Variants in YTHDC2 observed in about 807,000 individuals in gnomAD.
YTHDC2 encodes the protein 3'-5' RNA helicase YTHDC2.
A neutral mutation model predicts 174.9 loss-of-function variants in YTHDC2; 45 were observed. The observed-to-expected ratio is 0.26, with a 90% CI of 0.20 to 0.33. The LOEUF (loss-of-function observed/expected upper bound fraction) is 0.33, where lower values mean the gene tolerates loss of function less well. Ranked by LOEUF, YTHDC2 falls within the 10% of genes least tolerant of loss-of-function variation. YTHDC2 has a pLI of 1.00. For synonymous variants in YTHDC2, 657 were observed against 574.5 expected (o/e 1.14, Z -2.05); for missense variants, 1,650 against 1,723.7 (o/e 0.96, Z 0.76).
In YTHDC2 at chr5:113,514,141, C is replaced by A. The variant is rs922247753; in HGVS notation, c.187+59C>A. 7 of 1,551,484 alleles carry A rather than the reference C, an allele frequency of 4.5e-6. No individual in the cohort carries two copies. In the African/African-American group the frequency reaches 8.2e-5, roughly 18 times the overall value. On this transcript the variant is annotated intron_variant, in intron 1 of 29. Transcript: ENST00000161863. ...AGGATACCCCCCTCACCCCAGCGCC[C>A]CCCAAACGGCGGCCCACCGAGTGAT... is the stretch of plus-strand genomic sequence containing the variant.
At chr5:113,566,245 A>G (rs776080526) in intron 21 of YTHDC2, among the ~76,000 whole-genome samples, 3 of 152,136 alleles carry the variant, frequency 2.0e-5, no homozygotes, top group Non-Finnish European at 2.9e-5. Flanking sequence ...TAGGGACAGA[A>G]TCTATATGCT....
chr5:113,584,621 C>G, intron 26 of YTHDC2, 142 bp downstream of exon 26: 1 of 688,282 alleles, frequency 1.5e-6, no homozygotes, highest in Non-Finnish European at 2.3e-6. Flanking sequence ...AAACTTGATA[C>G]AGTTTGAGTA....
chr5:113,575,152 C>A (rs747662171), intron 23 of YTHDC2, among the ~76,000 whole-genome samples: 3 of 152,138 alleles, frequency 2.0e-5, no homozygotes, highest in Non-Finnish European at 4.4e-5. Context: ...TTGTGAGTGC[C>A]GCAGACTGCA....
At position 113,594,854 on chromosome 5, in the gene YTHDC2, CCTT is replaced by C. The variant is rs1325082870; in HGVS notation, c.*1383_*1385del. 2 of 152,094 alleles carry C rather than the reference CCTT, an allele frequency of 1.3e-5. No homozygotes were observed. The highest frequency in any genetic ancestry group is 2.9e-5 in the Non-Finnish European group (2 of 68,014). The allele number at this position is 152,094 out of a possible 1,614,324, so 9.4% of individuals were successfully genotyped here. On this transcript the variant is annotated 3_prime_UTR_variant, in exon 30 of 30. Transcript: ENST00000161863. ...ATGGGTCAACATAAAATCTTGAGAA[CCTT>C]CTACTTTCTCTGGGAAAGCATTATA...
At position 113,591,132 on chromosome 5, in the gene YTHDC2, A is replaced by G. The variant is rs766651915; in HGVS notation, c.3917A>G (p.Gln1306Arg). The change falls in exon 27 of 30, where the codon CAG becomes CGG. Residue 1306 changes from glutamine to arginine, a missense_variant. By Grantham distance (43) the Gln-to-Arg change is conservative (BLOSUM62 1). Transcript: ENST00000161863. ...SNLRNLEISQQKGIWSTTPSN... is the reference protein window; with the variant it reads ...SNLRNLEISQRKGIWSTTPSN... The stretch of plus-strand genomic sequence containing the variant: ...TTGAGAAACCTTGAAATTTCTCAAC[A>G]GAAGGGTATCTGGTCTACAACTCCT... The G allele has an allele frequency of 1.2e-6, 2 of 1,614,014 alleles. No individual in the cohort carries two copies. Among genetic ancestry groups the G allele is most frequent in the Non-Finnish European group, 1.7e-6 (2 of 1,179,914 alleles).
At position 113,594,696 on chromosome 5, in the gene YTHDC2, T is replaced by C. The variant is rs552291234; in HGVS notation, c.*1222T>C. 2.0e-5 allele frequency: 3 copies of C among 152,326 alleles called. No homozygotes were observed. Among genetic ancestry groups the C allele is most frequent in the Non-Finnish European group, 2.9e-5 (2 of 68,012 alleles). 9.4% of individuals were successfully genotyped at this position (152,326 alleles called of 1,614,324 possible). A position where few individuals can be genotyped will look rare whatever the true frequency, so the allele number is the denominator to read the frequency against. On this transcript the variant is annotated 3_prime_UTR_variant, in exon 30 of 30. Transcript: ENST00000161863. ...AAGAAATGTCTTGGTTACTGAGCTC[T>C]AAATAGACAGGTTTGATGGCACTTC...
chr5:113,581,243 T>C (rs1354104414), intron 24 of YTHDC2, 174 bp from the exon 25 acceptor site: 1 of 551,268 alleles, frequency 1.8e-6, no homozygotes, highest in Non-Finnish European at 2.9e-6. Context: ...GCCTAAAATA[T>C]TATAAATAAA....
chr5:113,572,057 T>C (rs1777757330), intron 23 of YTHDC2, among the ~76,000 whole-genome samples: 1 of 152,216 alleles, frequency 6.6e-6, no homozygotes, highest in Non-Finnish European at 1.5e-5. Context: ...TAAATTGAGA[T>C]GTTAGGTGGT....
chr5:113,527,306 T>A (rs937377897), intron 4 of YTHDC2, among the ~76,000 whole-genome samples: 2 of 152,226 alleles, frequency 1.3e-5, no homozygotes, highest in African/African-American at 2.4e-5. Flanking sequence ...TAAAGTTGAC[T>A]GTAGAATGGA....
intron 23 of YTHDC2, among the ~76,000 whole-genome samples, chr5:113,578,743 C>A (rs1227548644): frequency 1.3e-5 from 2 of 152,000 alleles, no homozygotes; most frequent in Non-Finnish European, 2.9e-5. Context: ...TTATTTGATT[C>A]CATGCAAAAT....
intron 2 of YTHDC2, among the ~76,000 whole-genome samples, chr5:113,519,612 A>G (rs1279836323): frequency 6.6e-6 from 1 of 152,206 alleles, no homozygotes; most frequent in Non-Finnish European, 1.5e-5. Flanking sequence ...GTACCAAAGT[A>G]CAGTTCTGGA....
chr5:113,592,365 A>T, intron 28 of YTHDC2, 187 bp downstream of exon 28: 1 of 485,530 alleles, frequency 2.1e-6, no homozygotes, highest in Non-Finnish European at 3.5e-6. Flanking sequence ...TGCTCCTTGC[A>T]GTCAGAGTCT....
At position 113,563,848 on chromosome 5, in the gene YTHDC2, C is replaced by A. The variant is rs1183535078; in HGVS notation, c.2443-11C>A. On this transcript the variant is annotated splice_polypyrimidine_tract_variant and intron_variant, in intron 19 of 29. Coordinates refer to ENST00000161863, the MANE Select transcript of YTHDC2 (RefSeq NM_022828.5). Reference sequence around the variant, plus strand: ...CTCACATCAAAGTCTGTTCTGTCTCCTTTTACTTAGACAATAGATGCAATG... The same window carrying A: ...CTCACATCAAAGTCTGTTCTGTCTCATTTTACTTAGACAATAGATGCAATG... The A allele has an allele frequency of 1.2e-6, 2 of 1,613,686 alleles. No homozygotes were observed. Among genetic ancestry groups the A allele is most frequent in the Non-Finnish European group, 1.7e-6 (2 of 1,179,862 alleles).
At chr5:113,557,292 C>T (rs570458122) in intron 17 of YTHDC2, among the ~76,000 whole-genome samples, 40 of 152,168 alleles carry the variant, frequency 2.6e-4, no homozygotes, top group African/African-American at 9.2e-4. Flanking sequence ...AAATATTTAT[C>T]TTGCATTTTA....
At position 113,548,939 on chromosome 5, in the gene YTHDC2, C is replaced by G. The variant is rs1289426487; in HGVS notation, c.1623-16C>G. 6.2e-7 allele frequency: 1 copy of G among 1,609,176 alleles called. No homozygotes were observed. Among genetic ancestry groups the G allele is most frequent in the South Asian group, 1.1e-5 (1 of 90,428 alleles). On this transcript the variant is annotated splice_polypyrimidine_tract_variant and intron_variant, in intron 11 of 29. Coordinates refer to ENST00000161863, the MANE Select transcript of YTHDC2 (RefSeq NM_022828.5). The stretch of plus-strand genomic sequence containing the variant: ...CAATTTTGATGACATCTTATATATC[C>G]TTTGAATTTTGGCAGGATGGCATTG...
chr5:113,581,001 A>G (rs377062288), intron 24 of YTHDC2, among the ~76,000 whole-genome samples: 25 of 152,090 alleles, frequency 1.6e-4, no homozygotes, highest in African/African-American at 4.8e-4. Context: ...TTTTGCAATC[A>G]TTTAGGAACT....
chr5:113,534,106 A>G (rs1396358687), intron 5 of YTHDC2, among the ~76,000 whole-genome samples, 199 bp from the exon 6 acceptor site: 2 of 152,212 alleles, frequency 1.3e-5, no homozygotes, highest in East Asian at 1.9e-4. Context: ...AACAAAATAC[A>G]TCATTTAATA....
At chr5:113,558,382 TATA>T (rs954007792) in intron 17 of YTHDC2, among the ~76,000 whole-genome samples, 3 of 152,176 alleles carry the variant, frequency 2.0e-5, no homozygotes, top group African/African-American at 7.2e-5. Context: ...AATACTTTCC[TATA>T]ATAAGGGAGA....
At chr5:113,539,907 A>G (rs540006387) in intron 8 of YTHDC2, among the ~76,000 whole-genome samples, 18 of 152,244 alleles carry the variant, frequency 1.2e-4, no homozygotes, top group Admixed American at 1.2e-3. Flanking sequence ...AAAATTAAAA[A>G]AAAATTTTTT....
Sources: gnomAD v4.1 joint callset for allele counts (sites outside exome capture counted in the v4.1 genomes callset) on GRCh38, gnomAD v4.1.1 for gene constraint, MANE v1.5 for transcripts, NCBI Gene and HGNC (gene_info 2026-07-23, HGNC 2026-07-21) for gene names.